TMEM72: variants seen among roughly 807,000 people sequenced by gnomAD.
The protein encoded by TMEM72 is transmembrane protein 72.
A neutral mutation model predicts 16.3 loss-of-function variants in TMEM72; 9 were observed. The observed-to-expected ratio is 0.55, with a 90% CI of 0.33 to 0.96. The LOEUF (loss-of-function observed/expected upper bound fraction) is 0.96. TMEM72 is among the 40% of genes least tolerant of loss of function. The probability of loss-of-function intolerance (pLI) is 0.03; values close to 1 mark genes in which losing one functional copy is unlikely to be tolerated. For synonymous variants in TMEM72, 160 were observed against 146.5 expected, an observed-to-expected ratio of 1.09 and a Z score of -0.66; for missense variants, 324 against 337.8, an observed-to-expected ratio of 0.96 and a Z score of 0.32.
rs528771648 is a variant in TMEM72, at chr10:44,915,131, G to C, written c.70+3549G>C. 4.6e-5 allele frequency among the ~76,000 whole-genome samples: 7 copies of C among 152,338 alleles called. No homozygotes were observed. In the East Asian group the frequency reaches 1.4e-3, roughly 29 times the overall value. ...GGCTTCCCCATAAGAGGCTTGCTCAGAAAATGTCTCTGGGCACTTGAGCAA... is the reference window on the plus strand; with the variant it reads ...GGCTTCCCCATAAGAGGCTTGCTCACAAAATGTCTCTGGGCACTTGAGCAA... On this transcript the variant is annotated intron_variant, in intron 1 of 4. Transcript: ENST00000389583.
At chr10:44,931,905 T>G in intron 2 of TMEM72, 93 bp from the exon 3 acceptor site, 1 of 1,265,840 alleles carries the variant, frequency 7.9e-7, no homozygotes, top group South Asian at 1.3e-5. Flanking sequence ...TGGCTGTAGA[T>G]GTGATGTCAG....
intron 1 of TMEM72, among the ~76,000 whole-genome samples, chr10:44,913,050 T>G (rs977722243): frequency 6.6e-6 from 1 of 152,124 alleles, no homozygotes; most frequent in African/African-American, 2.4e-5. Context: ...AGGTTCAGAA[T>G]TGCTCTGCTG....
intron 2 of TMEM72, among the ~76,000 whole-genome samples, chr10:44,928,433 C>A (rs867369002): frequency 6.6e-6 from 1 of 151,494 alleles, no homozygotes; most frequent in Non-Finnish European, 1.5e-5. Context: ...TATCCACTTG[C>A]CTATCCATCT....
At chr10:44,925,060 CTG>C (rs1487793860) in intron 1 of TMEM72, among the ~76,000 whole-genome samples, 2 of 152,242 alleles carry the variant, frequency 1.3e-5, no homozygotes, top group Non-Finnish European at 1.5e-5. Flanking sequence ...CAAGCAATGA[CTG>C]TGAGTTGTAA....
Position 44,936,768 on chromosome 10 carries a change from A to C in TMEM72, c.*1634A>C, listed in dbSNP as rs1335049132. The C allele has an allele frequency of 2.0e-5, 3 of 152,298 alleles. No individual in the cohort carries two copies. Among genetic ancestry groups the C allele is most frequent in the Non-Finnish European group, 2.9e-5 (2 of 68,090 alleles). 9.4% of individuals were successfully genotyped at this position (152,298 alleles called of 1,614,324 possible). On this transcript the variant is annotated 3_prime_UTR_variant, in exon 5 of 5. Coordinates refer to ENST00000389583, the MANE Select transcript of TMEM72 (RefSeq NM_001123376.3). ...TCTCAGGCAGGCCCCCTGTGCACAG[A>C]AAGAGCCTAAGTGCAGAGAAGCCAG...
At position 44,915,538 on chromosome 10, in the gene TMEM72, T is replaced by C. The variant is rs560850606; in HGVS notation, c.70+3956T>C. ...ACTCCTAATCGTTATTTCCTCCACC[T>C]GAATCAGGATTAAAAAGCATGTCCC... On this transcript the variant is annotated intron_variant, in intron 1 of 4. Coordinates refer to ENST00000389583, the MANE Select transcript of TMEM72 (RefSeq NM_001123376.3). Among the ~76,000 whole-genome samples the C allele has an allele frequency of 2.5e-4, 38 of 152,246 alleles. 1 individual carries two copies. Among genetic ancestry groups the C allele is most frequent in the African/African-American group, 9.2e-4 (38 of 41,496 alleles).
At chr10:44,929,468 C>T (rs531279715) in intron 2 of TMEM72, among the ~76,000 whole-genome samples, 2 of 152,366 alleles carry the variant, frequency 1.3e-5, no homozygotes, top group South Asian at 4.1e-4. Flanking sequence ...CACTCCCCCC[C>T]CTCCTCAGGA....
Position 44,933,657 on chromosome 10 carries a change from C to A in TMEM72, c.230C>A (p.Ala77Glu), listed in dbSNP as rs374967116. Residue 77 changes from alanine (A) to glutamate (E), a missense_variant, in exon 4 of 5, where the codon GCA becomes GAA. Transcript: ENST00000389583. ...CCCAGGTGTCAACCAGGGTCCCTGG[C>A]AGACAGAGTAAGGGAGAAAGCCCAC... ...ICFQCQPGSL[A>E]DRVREKAHWL... The A allele has an allele frequency of 6.8e-6, 11 of 1,613,688 alleles. No individual in the cohort carries two copies. Among genetic ancestry groups the A allele is most frequent in the African/African-American group, 1.3e-5 (1 of 74,930 alleles).
At chr10:44,933,611 T>G (rs768189437) in intron 3 of TMEM72, 26 bp from the exon 4 acceptor site, 29 of 1,604,800 alleles carry the variant, frequency 1.8e-5, no homozygotes, top group Non-Finnish European at 2.5e-5. Context: ...GGACACATTA[T>G]GCTAACCTGG....
chr10:44,931,923 C>A, intron 2 of TMEM72, 75 bp from the exon 3 acceptor site: 1 of 1,453,552 alleles, frequency 6.9e-7, no homozygotes, highest in Non-Finnish European at 9.4e-7. Flanking sequence ...CAGGAGGCCA[C>A]GTGTGAGAAG....
In TMEM72 at chr10:44,926,887, G is replaced by A. The variant is rs1003186833; in HGVS notation, c.71-1034G>A. On this transcript the variant is annotated intron_variant, in intron 1 of 4. Coordinates refer to ENST00000389583, the MANE Select transcript of TMEM72 (RefSeq NM_001123376.3). The stretch of plus-strand genomic sequence containing the variant: ...TAGAAGAGGCATTTCAGCATTGGAC[G>A]AAGGGCCCCCTTCAGCTTGAGACAC... Among the ~76,000 whole-genome samples the A allele has an allele frequency of 5.3e-5, 8 of 152,110 alleles. No individual in the cohort carries two copies. The East Asian group carries it at 5.8e-4, about 11-fold the overall frequency.
At chr10:44,912,843 T>C (rs1349565329) in intron 1 of TMEM72, among the ~76,000 whole-genome samples, 1 of 152,118 alleles carries the variant, frequency 6.6e-6, no homozygotes, top group African/African-American at 2.4e-5. Context: ...ATGAGTTAGA[T>C]CATGAAGGGC....
chr10:44,928,105 A>C, intron 2 of TMEM72, 118 bp downstream of exon 2: 116 of 1,126,402 alleles, frequency 1.0e-4, no homozygotes, highest in Non-Finnish European at 1.3e-4. Flanking sequence ...ATCCTATCTC[A>C]GGGGTGAAGG....
intron 1 of TMEM72, among the ~76,000 whole-genome samples, chr10:44,926,911 A>G (rs1369005333): frequency 6.6e-6 from 1 of 152,006 alleles, no homozygotes; most frequent in East Asian, 1.9e-4. Context: ...AGCTTGAGAC[A>G]CCAGGCGATG....
At chr10:44,913,071 T>C (rs957961129) in intron 1 of TMEM72, among the ~76,000 whole-genome samples, 5 of 152,202 alleles carry the variant, frequency 3.3e-5, no homozygotes, top group Non-Finnish European at 7.4e-5. Flanking sequence ...AGGCTCTGAG[T>C]GGAGGCACTG....
intron 1 of TMEM72, chr10:44,923,297 C>CTCTCTCTCTCTCTCTTTT (rs1840130756): frequency 1.8e-5 from 2 of 112,916 alleles, no homozygotes; most frequent in Admixed American, 9.7e-5. Context: ...GCTGTTGTGC[C>CTCTCTCTCTCTCTCTTTT]TCTCTCTCTC....
intron 1 of TMEM72, among the ~76,000 whole-genome samples, chr10:44,926,700 A>C (rs909697515): frequency 6.6e-6 from 1 of 151,932 alleles, no homozygotes; most frequent in Admixed American, 6.6e-5. Flanking sequence ...CCCTCCATCC[A>C]TTGCTCAGAA....
At chr10:44,918,628 T>A (rs1330279909) in intron 1 of TMEM72, among the ~76,000 whole-genome samples, 1 of 152,170 alleles carries the variant, frequency 6.6e-6, no homozygotes, top group Non-Finnish European at 1.5e-5. Flanking sequence ...CATAATCAAG[T>A]GGAGTTCATC....
At chr10:44,924,845 G>A (rs183371025) in intron 1 of TMEM72, among the ~76,000 whole-genome samples, 11 of 152,330 alleles carry the variant, frequency 7.2e-5, no homozygotes, top group Non-Finnish European at 1.3e-4. Context: ...CCTCAGTCTC[G>A]GCAGGCAGAA....
Sources: gnomAD v4.1 joint callset for allele counts (sites outside exome capture counted in the v4.1 genomes callset) on GRCh38, gnomAD v4.1.1 for gene constraint, MANE v1.5 for transcripts, NCBI Gene and HGNC (gene_info 2026-07-23, HGNC 2026-07-21) for gene names.